Variants in TUT4 observed in about 807,000 individuals in gnomAD.
TUT4 encodes the protein terminal uridylyltransferase 4.
Under a neutral mutation model 192.2 loss-of-function variants are expected in TUT4, and 36 were observed. That is an observed-to-expected ratio of 0.19 (90% CI 0.14 to 0.25). TUT4 has a LOEUF of 0.25. Ranked by LOEUF, TUT4 falls within the 10% of genes least tolerant of loss-of-function variation. The probability of loss-of-function intolerance (pLI) is 1.00; values close to 1 mark genes in which losing one functional copy is unlikely to be tolerated. For synonymous variants in TUT4, 618 were observed against 666.0 expected (o/e 0.93, Z 1.11); for missense variants, 1,493 against 1,957.2 (o/e 0.76, Z 4.47).
rs150767107 is a variant in TUT4, at chr1:52,474,958, G to A, written c.2601C>T (p.Thr867=). The A allele has an allele frequency of 5.8e-4, 942 of 1,614,082 alleles. No individual in the cohort carries two copies. Among genetic ancestry groups the A allele is most frequent in the Non-Finnish European group, 6.2e-4 (726 of 1,179,998 alleles). Residue 867 remains threonine, a synonymous_variant, in exon 13 of 30, where the codon ACC becomes ACT. Transcript: ENST00000257177. ...ETESSHQSVC[T]DTSATSCNCK... The stretch of plus-strand genomic sequence containing the variant: ...AGTTGCAAGAGGTAGCAGATGTGTC[G>A]GTGCACACACTCTGATGTGAACTCT...
At chr1:52,517,491 G>A (rs538452281) in intron 2 of TUT4, among the ~76,000 whole-genome samples, 1 of 152,310 alleles carries the variant, frequency 6.6e-6, no homozygotes, top group African/African-American at 2.4e-5. Flanking sequence ...AACCCTGACA[G>A]TCAAGCCTAC....
chr1:52,477,409 C>CA (rs1667385128), intron 12 of TUT4, among the ~76,000 whole-genome samples: 1 of 151,728 alleles, frequency 6.6e-6, no homozygotes, highest in Admixed American at 6.6e-5. Context: ...CCCATCTCTA[C>CA]AAAAAATAAA....
chr1:52,453,240 G>C (rs1490990295), intron 20 of TUT4, among the ~76,000 whole-genome samples: 2 of 151,906 alleles, frequency 1.3e-5, no homozygotes. Context: ...AAATTAGCCG[G>C]GCATGGTGGT....
intron 20 of TUT4, among the ~76,000 whole-genome samples, chr1:52,448,198 G>A (rs2148485303): frequency 6.6e-6 from 1 of 152,272 alleles, no homozygotes; most frequent in Admixed American, 6.5e-5. Context: ...AGGGACTAGG[G>A]CTAATAAGTT....
At chr1:52,551,772 T>C (rs77519908) in intron 1 of TUT4, among the ~76,000 whole-genome samples, 4,242 of 151,316 alleles carry the variant, frequency 0.028, 78 homozygotes, top group South Asian at 0.064. Context: ...TGGTATTCTC[T>C]GAATTATCAT....
intron 29 of TUT4, 75 bp from the exon 30 acceptor site, chr1:52,424,077 T>C (rs904007987): frequency 1.0e-5 from 15 of 1,430,744 alleles, no homozygotes; most frequent in African/African-American, 1.4e-5. Flanking sequence ...AATTAACTTG[T>C]AGTTAGCTTT....
At position 52,490,821 on chromosome 1, in the gene TUT4, G is replaced by GTAAGC; in HGVS notation, c.1319-25_1319-21dup. 1 of 1,533,614 alleles carries GTAAGC rather than the reference G, an allele frequency of 6.5e-7. No homozygotes were observed. The highest frequency in any genetic ancestry group is 8.9e-7 in the Non-Finnish European group (1 of 1,122,868). ...ATAATACTAATAAGGAAAAAAAAAA[G>GTAAGC]TAAGCTAATGTCAACATCTCTAAAA... On this transcript the variant is annotated intron_variant, in intron 7 of 29. Transcript: ENST00000257177.
At chr1:52,483,861 G>C (rs1358738590) in intron 9 of TUT4, among the ~76,000 whole-genome samples, 1 of 152,052 alleles carries the variant, frequency 6.6e-6, no homozygotes. Context: ...ATTGCAAGGT[G>C]TGGTGATGGA....
chr1:52,461,833 C>CT, intron 16 of TUT4, 64 bp from the exon 17 acceptor site: 1 of 966,072 alleles, frequency 1.0e-6, no homozygotes, highest in South Asian at 1.7e-5. Context: ...CTACTTTAAT[C>CT]TAAGCATTTA....
At chr1:52,523,244 C>T (rs908299873) in intron 2 of TUT4, among the ~76,000 whole-genome samples, 8 of 151,588 alleles carry the variant, frequency 5.3e-5, no homozygotes, top group African/African-American at 9.7e-5. Flanking sequence ...CCATGCACCT[C>T]GGCGTCCCAA....
At chr1:52,510,662 TAATTA>T (rs539716358) in intron 3 of TUT4, among the ~76,000 whole-genome samples, 2 of 152,322 alleles carry the variant, frequency 1.3e-5, no homozygotes, top group South Asian at 4.1e-4. Context: ...TAAAACTTAG[TAATTA>T]CTGAATACTT....
At chr1:52,449,535 A>AAT (rs1175902676) in intron 20 of TUT4, among the ~76,000 whole-genome samples, 3 of 152,144 alleles carry the variant, frequency 2.0e-5, no homozygotes, top group African/African-American at 7.2e-5. Context: ...CCTGACCTCA[A>AAT]GTAATCTACC....
chr1:52,507,144 T>C (rs1675823350), intron 4 of TUT4, among the ~76,000 whole-genome samples: 2 of 152,244 alleles, frequency 1.3e-5, no homozygotes, highest in Admixed American at 1.3e-4. Flanking sequence ...TAATTTCCTC[T>C]GACAATTCTT....
At chr1:52,551,672 G>T (rs1353073302) in intron 1 of TUT4, among the ~76,000 whole-genome samples, 1 of 149,628 alleles carries the variant, frequency 6.7e-6, no homozygotes, top group Non-Finnish European at 1.5e-5. Context: ...GAAAATTTCA[G>T]CGCGCTCGCG....
At chr1:52,516,126 C>T (rs1452642734) in intron 2 of TUT4, 72 bp from the exon 3 acceptor site, 11 of 1,207,344 alleles carry the variant, frequency 9.1e-6, no homozygotes, top group Non-Finnish European at 1.1e-5. Context: ...GGAAAACAGA[C>T]ATTAAATTTA....
At chr1:52,485,198 A>G (rs1293415072) in intron 9 of TUT4, among the ~76,000 whole-genome samples, 1 of 152,132 alleles carries the variant, frequency 6.6e-6, no homozygotes, top group Non-Finnish European at 1.5e-5. Flanking sequence ...TTGTTATTAA[A>G]TCTCTTCCTT....
intron 2 of TUT4, among the ~76,000 whole-genome samples, chr1:52,519,390 T>C (rs1679602643): frequency 6.6e-6 from 1 of 152,186 alleles, no homozygotes; most frequent in Non-Finnish European, 1.5e-5. Context: ...TGACTGCTAA[T>C]GGGTATGGAG....
At chr1:52,484,417 G>A (rs376556834) in intron 9 of TUT4, among the ~76,000 whole-genome samples, 2 of 151,990 alleles carry the variant, frequency 1.3e-5, no homozygotes, top group African/African-American at 2.4e-5. Flanking sequence ...GGACTTGAGC[G>A]TCCTCAAATT....
chr1:52,469,508 T>C (rs1319505983), intron 14 of TUT4, among the ~76,000 whole-genome samples: 1 of 152,140 alleles, frequency 6.6e-6, no homozygotes, highest in Non-Finnish European at 1.5e-5. Context: ...TTTCTCACTG[T>C]TGGAGTGGGG....
Sources: allele counts gnomAD v4.1 joint callset (sites outside exome capture counted in the v4.1 genomes callset), GRCh38; gene constraint gnomAD v4.1.1; transcripts MANE v1.5; gene names NCBI Gene and HGNC (gene_info 2026-07-23, HGNC 2026-07-21).